Variants in KCND2 observed in about 807,000 individuals in gnomAD.
The protein encoded by KCND2 is A-type voltage-gated potassium channel KCND2.
KCND2 carries 16 observed loss-of-function variants against 54.4 expected under a neutral mutation model. The ratio of observed to expected loss-of-function variants is 0.29; its 90% confidence interval spans 0.20 to 0.45. The LOEUF (loss-of-function observed/expected upper bound fraction) is 0.45, where lower values mean the gene tolerates loss of function less well. Ranked by LOEUF, KCND2 falls within the 20% of genes least tolerant of loss-of-function variation. The pLI, the probability that KCND2 is intolerant of heterozygous loss-of-function variation, is 1.00. For synonymous variants in KCND2, 317 were observed against 310.7 expected (o/e 1.02, Z -0.21); for missense variants, 486 against 824.2 (o/e 0.59, Z 5.02).
At chr7:120,619,173 T>C (rs1212555552) in intron 1 of KCND2, among the ~76,000 whole-genome samples, 1 of 152,242 alleles carries the variant, frequency 6.6e-6, no homozygotes, top group Non-Finnish European at 1.5e-5. Context: ...GGCTCATACC[T>C]GTAATTCCAG....
intron 1 of KCND2, among the ~76,000 whole-genome samples, chr7:120,695,393 A>G (rs1318389180): frequency 6.6e-6 from 1 of 152,122 alleles, no homozygotes; most frequent in Non-Finnish European, 1.5e-5. Flanking sequence ...TGCTAAGTTT[A>G]ATATTTTATA....
At position 120,640,016 on chromosome 7, in the gene KCND2, G is replaced by T. The variant is rs139179430; in HGVS notation, c.1116-92887G>T. On this transcript the variant is annotated intron_variant, in intron 1 of 5. Transcript: ENST00000331113. ...ATACCACTTCTGACACATCCATTCT[G>T]TAGACTTATAGATATTTTAAATGTA... 1.3e-5 allele frequency among the ~76,000 whole-genome samples: 2 copies of T among 151,974 alleles called. 1 individual carries two copies. Among genetic ancestry groups the T allele is most frequent in the Non-Finnish European group, 2.9e-5 (2 of 67,980 alleles).
intron 1 of KCND2, among the ~76,000 whole-genome samples, chr7:120,595,591 G>GTATATA (rs58301382): frequency 0.54 from 71,389 of 131,478 alleles, 21,566 homozygotes; most frequent in Middle Eastern, 0.71. Flanking sequence ...GTGTGTGTGT[G>GTATATA]TATATATATA....
intron 1 of KCND2, among the ~76,000 whole-genome samples, chr7:120,586,802 A>T (rs989485836): frequency 1.3e-5 from 2 of 152,138 alleles, no homozygotes; most frequent in Non-Finnish European, 2.9e-5. Context: ...CCCTGCTTGA[A>T]TAGTTTCATT....
chr7:120,641,927 T>C (rs1793381911), intron 1 of KCND2, among the ~76,000 whole-genome samples: 1 of 152,070 alleles, frequency 6.6e-6, no homozygotes. Flanking sequence ...AAACCAGTCA[T>C]TGTCATTCTT....
chr7:120,739,801 A>T (rs1048650311), intron 2 of KCND2, among the ~76,000 whole-genome samples: 32 of 110,896 alleles, frequency 2.9e-4, no homozygotes, highest in Non-Finnish European at 4.7e-4. Flanking sequence ...CAAAAGAAAC[A>T]CACACACACA....
chr7:120,622,098 T>A (rs1793106454), intron 1 of KCND2, among the ~76,000 whole-genome samples: 1 of 152,114 alleles, frequency 6.6e-6, no homozygotes, highest in South Asian at 2.1e-4. Context: ...CTCTATATAT[T>A]GTACGTGATT....
chr7:120,662,057 T>G (rs1238985125), intron 1 of KCND2, among the ~76,000 whole-genome samples: 1 of 152,232 alleles, frequency 6.6e-6, no homozygotes, highest in African/African-American at 2.4e-5. Flanking sequence ...TCTTTGGCTC[T>G]TCATTTCCTT....
At chr7:120,545,021 A>G (rs1408999525) in intron 1 of KCND2, among the ~76,000 whole-genome samples, 1 of 151,914 alleles carries the variant, frequency 6.6e-6, no homozygotes, top group Admixed American at 6.6e-5. Context: ...CCTGAAAATG[A>G]CTTTAGAGAT....
intron 1 of KCND2, among the ~76,000 whole-genome samples, chr7:120,339,503 CTGTGTGTGTGTGTGTG>C (rs10525061): frequency 0.67 from 100,109 of 149,770 alleles, 37,419 homozygotes; most frequent in South Asian, 0.9. Context: ...CTTTAGAAGG[CTGTGTGTGTGTGTGTG>C]TGTGTGTGTG....
At chr7:120,637,836 G>A (rs1793324069) in intron 1 of KCND2, among the ~76,000 whole-genome samples, 1 of 152,060 alleles carries the variant, frequency 6.6e-6, no homozygotes, top group African/African-American at 2.4e-5. Context: ...CTAGGACCTA[G>A]CTTGAAGAAC....
rs750121651 is a variant in KCND2, at chr7:120,275,356, G to A, written c.724G>A (p.Val242Ile). Residue 242 changes from valine (V) to isoleucine (I), a missense_variant, in exon 1 of 6, where the codon GTT (valine) becomes ATT (isoleucine). By Grantham distance (29) the Val-to-Ile change is conservative. This residue lies in a region of KCND2 where 231 missense variants were observed against 386.0 expected (regional missense o/e 0.60). Transcript: ENST00000331113. ...LDTACVMIFT[V>I]EYLLRLAAAP... is the part of the protein sequence containing the mutation. ...CACGGCCTGCGTCATGATCTTCACAGTTGAGTATTTGCTTCGCCTGGCTGC... is the reference window on the plus strand; with the variant it reads ...CACGGCCTGCGTCATGATCTTCACAATTGAGTATTTGCTTCGCCTGGCTGC... 6.2e-7 allele frequency: 1 copy of A among 1,613,832 alleles called. No individual in the cohort carries two copies. The highest frequency in any genetic ancestry group is 2.2e-5 in the East Asian group (1 of 44,828).
chr7:120,710,738 G>A (rs1792527233), intron 1 of KCND2, among the ~76,000 whole-genome samples: 1 of 152,054 alleles, frequency 6.6e-6, no homozygotes, highest in South Asian at 2.1e-4. Flanking sequence ...TTTGACAGAT[G>A]AGAAAACCTA....
intron 1 of KCND2, among the ~76,000 whole-genome samples, chr7:120,597,934 A>G (rs765940641): frequency 3.3e-5 from 5 of 151,914 alleles, no homozygotes; most frequent in Non-Finnish European, 7.4e-5. Context: ...TCCCTAGGGT[A>G]CTCTTCTTTA....
chr7:120,490,712 C>T (rs1338511422), intron 1 of KCND2, among the ~76,000 whole-genome samples: 1 of 152,044 alleles, frequency 6.6e-6, no homozygotes. Flanking sequence ...CTTAAGCACT[C>T]CCTAGGAGAT....
At chr7:120,544,321 A>G (rs1194088090) in intron 1 of KCND2, among the ~76,000 whole-genome samples, 1 of 151,960 alleles carries the variant, frequency 6.6e-6, no homozygotes, top group Admixed American at 6.6e-5. Context: ...GGATTATATT[A>G]TGTGAGACAT....
At chr7:120,706,228 A>C (rs1465364077) in intron 1 of KCND2, among the ~76,000 whole-genome samples, 2 of 152,168 alleles carry the variant, frequency 1.3e-5, no homozygotes, top group Admixed American at 6.5e-5. Flanking sequence ...TTTTGTGAGT[A>C]CCGAAGATTA....
intron 1 of KCND2, among the ~76,000 whole-genome samples, chr7:120,323,697 A>G (rs1164310045): frequency 7.3e-6 from 1 of 137,284 alleles, no homozygotes; most frequent in Non-Finnish European, 1.5e-5. Flanking sequence ...CCAGTCTATC[A>G]TTGTTGGACA....
chr7:120,452,971 A>G (rs1802139005), intron 1 of KCND2, among the ~76,000 whole-genome samples: 1 of 152,104 alleles, frequency 6.6e-6, no homozygotes, highest in South Asian at 2.1e-4. Flanking sequence ...GCATGGCCTC[A>G]GATGCTCAAA....
Sources: allele counts gnomAD v4.1 joint callset (sites outside exome capture counted in the v4.1 genomes callset), GRCh38; gene constraint gnomAD v4.1.1; regional missense constraint gnomAD v4.1.1; transcripts MANE v1.5; gene names NCBI Gene and HGNC (gene_info 2026-07-23, HGNC 2026-07-21).